The following STK31 variants were observed in gnomAD, a reference collection of about 807,000 sequenced individuals.
STK31 encodes the protein serine/threonine kinase 31.
A neutral mutation model predicts 129.7 loss-of-function variants in STK31; 89 were observed. The observed-to-expected ratio is 0.69, with a 90% CI of 0.58 to 0.82. The LOEUF (loss-of-function observed/expected upper bound fraction) is 0.82, where lower values mean the gene tolerates loss of function less well. STK31 is among the 40% of genes least tolerant of loss of function. The probability of loss-of-function intolerance (pLI) is 0.00; values close to 1 mark genes in which losing one functional copy is unlikely to be tolerated. For synonymous variants in STK31, 448 were observed against 395.3 expected, an observed-to-expected ratio of 1.13 and a Z score of -1.58; for missense variants, 1,187 against 1,176.4, an observed-to-expected ratio of 1.01 and a Z score of -0.13.
At chr7:23,832,003 C>T in intron 23 of STK31, 133 bp from the exon 24 acceptor site, 1 of 635,490 alleles carries the variant, frequency 1.6e-6, no homozygotes, top group Admixed American at 2.9e-5. Flanking sequence ...GAGGGGAGTA[C>T]CAGATACCTC....
intron 8 of STK31, among the ~76,000 whole-genome samples, chr7:23,740,759 C>T (rs1253989912): frequency 2.0e-5 from 3 of 151,930 alleles, no homozygotes; most frequent in African/African-American, 7.3e-5. Context: ...GGTTTTTTGT[C>T]CTTGCGATAG....
At chr7:23,740,254 T>TAA (rs1787976998) in intron 8 of STK31, among the ~76,000 whole-genome samples, 1 of 152,220 alleles carries the variant, frequency 6.6e-6, no homozygotes, top group Non-Finnish European at 1.5e-5. Context: ...TAATGAACTT[T>TAA]AAACACATTT....
intron 23 of STK31, among the ~76,000 whole-genome samples, chr7:23,830,259 A>T (rs1794461386): frequency 6.6e-6 from 1 of 150,746 alleles, no homozygotes; most frequent in Non-Finnish European, 1.5e-5. Flanking sequence ...TTTTTTGTGG[A>T]TCCTTTGTAT....
intron 4 of STK31, among the ~76,000 whole-genome samples, chr7:23,718,713 A>G (rs1200578386): frequency 6.6e-6 from 1 of 152,124 alleles, no homozygotes; most frequent in Admixed American, 6.5e-5. Flanking sequence ...CATTCATTGT[A>G]TAAATATAAC....
chr7:23,732,196 C>T lies in STK31; in HGVS notation c.483+2947C>T, dbSNP rs146451319. On this transcript the variant is annotated intron_variant, in intron 6 of 23. Coordinates refer to ENST00000355870, the MANE Select transcript of STK31 (RefSeq NM_031414.5). ...CATGGTGGCGCATGCCTGTAGTCCC[C>T]GCTACTCAGGAGGCTGAGGTGGGAG... is the stretch of plus-strand genomic sequence containing the variant. Among the ~76,000 whole-genome samples the T allele has an allele frequency of 4.2e-3, 641 of 151,530 alleles. 8 individuals carry two copies. Among genetic ancestry groups the T allele is most frequent in the African/African-American group, 0.014 (588 of 41,270 alleles).
chr7:23,803,357 TA>T (rs1792497592), intron 22 of STK31, among the ~76,000 whole-genome samples: 1 of 152,196 alleles, frequency 6.6e-6, no homozygotes, highest in Admixed American at 6.5e-5. Flanking sequence ...ACTTTGTCTT[TA>T]AAAAAATTTT....
At chr7:23,744,772 G>T (rs955185623) in intron 8 of STK31, among the ~76,000 whole-genome samples, 7 of 152,064 alleles carry the variant, frequency 4.6e-5, no homozygotes, top group African/African-American at 1.7e-4. Flanking sequence ...TGGGGGCTGC[G>T]GAGAAGTTTT....
Position 23,806,308 on chromosome 7 carries a change from C to A in STK31, c.2761-8836C>A, listed in dbSNP as rs540544072. Among the ~76,000 whole-genome samples, 5 of 152,268 alleles carry A rather than the reference C, an allele frequency of 3.3e-5. No individual in the cohort carries two copies. In the East Asian group the frequency reaches 9.6e-4, roughly 29 times the overall value. ...AATACTTTTGTTTGGAATACAGGTA[C>A]ACTTTTCACACGTGATACCTGGTTT... On this transcript the variant is annotated intron_variant, in intron 22 of 23. Transcript: ENST00000355870.
intron 10 of STK31, 62 bp from the exon 11 acceptor site, chr7:23,762,739 T>C (rs1789546041): frequency 1.5e-5 from 23 of 1,565,742 alleles, no homozygotes; most frequent in Non-Finnish European, 1.9e-5. Context: ...TTTTTTCATA[T>C]AGGTCATATG....
chr7:23,791,594 C>T (rs992663872), intron 22 of STK31, among the ~76,000 whole-genome samples: 1 of 152,138 alleles, frequency 6.6e-6, no homozygotes, highest in Admixed American at 6.6e-5. Context: ...AACAAACCTG[C>T]ACATGTACCC....
intron 1 of STK31, chr7:23,710,747 G>A (rs961145714): frequency 1.3e-5 from 14 of 1,050,864 alleles, no homozygotes; most frequent in East Asian, 1.5e-4. Flanking sequence ...AAGTGGGTAC[G>A]GCATCAGTGC....
chr7:23,787,340 A>G (rs1164249410), intron 20 of STK31, among the ~76,000 whole-genome samples: 1 of 152,148 alleles, frequency 6.6e-6, no homozygotes, highest in East Asian at 1.9e-4. Flanking sequence ...TTATGGAGTA[A>G]CACTGTTTCA....
chr7:23,752,385 T>C (rs545322390), intron 8 of STK31, among the ~76,000 whole-genome samples: 2 of 151,926 alleles, frequency 1.3e-5, no homozygotes, highest in Admixed American at 1.3e-4. Context: ...AGTCTGGCTT[T>C]GTTGCCCAGG....
intron 23 of STK31, among the ~76,000 whole-genome samples, chr7:23,817,878 CT>C (rs199730174): frequency 6.6e-6 from 1 of 151,788 alleles, no homozygotes. Context: ...AGTCTTCTCT[CT>C]TTTTTTTCTT....
chr7:23,816,984 A>G (rs1424467688), intron 23 of STK31, among the ~76,000 whole-genome samples: 1 of 152,124 alleles, frequency 6.6e-6, no homozygotes, highest in African/African-American at 2.4e-5. Context: ...TCAGAAGTTC[A>G]GGACCAGCCT....
At chr7:23,803,648 C>T (rs1792514287) in intron 22 of STK31, among the ~76,000 whole-genome samples, 2 of 152,068 alleles carry the variant, frequency 1.3e-5, no homozygotes, top group Non-Finnish European at 2.9e-5. Context: ...AAACTCGTGC[C>T]ACAGGGGCTT....
chr7:23,710,170 A>C, upstream of STK31: 1 of 1,573,492 alleles, frequency 6.4e-7, no homozygotes, highest in South Asian at 1.1e-5. Context: ...TCCCGCTAAC[A>C]CCGGATGATG....
At chr7:23,750,066 T>TCCCCCCCCCC (rs1788609697) in intron 8 of STK31, among the ~76,000 whole-genome samples, 1 of 77,602 alleles carries the variant, frequency 1.3e-5, no homozygotes, top group African/African-American at 4.5e-5. Flanking sequence ...AATGGTTTGT[T>TCCCCCCCCCC]TCCCCCCCCG....
At chr7:23,735,322 G>T (rs990199690) in intron 6 of STK31, among the ~76,000 whole-genome samples, 29 of 152,300 alleles carry the variant, frequency 1.9e-4, no homozygotes, top group African/African-American at 6.7e-4. Flanking sequence ...AAAGGTGGCT[G>T]CCTGTACAAG....
Sources: gnomAD v4.1 joint callset for allele counts (sites outside exome capture counted in the v4.1 genomes callset) on GRCh38, gnomAD v4.1.1 for gene constraint, MANE v1.5 for transcripts, NCBI Gene and HGNC (gene_info 2026-07-23, HGNC 2026-07-21) for gene names.